NDRG2: variants seen among roughly 807,000 people sequenced by gnomAD.
NDRG2 encodes the protein protein NDRG2.
Under a neutral mutation model 58.2 loss-of-function variants are expected in NDRG2, and 34 were observed. The observed-to-expected ratio is 0.58, with a 90% CI of 0.44 to 0.78. The LOEUF is 0.78. Among genes scored for constraint, NDRG2 ranks in the 30% least tolerant of loss-of-function variants. NDRG2 has a pLI of 0.00. For missense variants in NDRG2, 434 were observed against 471.2 expected, an observed-to-expected ratio of 0.92 and a Z score of 0.73; for synonymous variants, 187 against 175.9, an observed-to-expected ratio of 1.06 and a Z score of -0.50.
intron 9 of NDRG2, 83 bp from the exon 10 acceptor site, chr14:21,019,825 T>G (rs1030843958): frequency 6.5e-7 from 1 of 1,532,026 alleles, no homozygotes; most frequent in Admixed American, 1.7e-5. Flanking sequence ...GCCTTCTTCC[T>G]TCCCCAAATC....
intron 1 of NDRG2, among the ~76,000 whole-genome samples, chr14:21,060,072 C>T (rs563661501): frequency 6.6e-6 from 1 of 152,328 alleles, no homozygotes; most frequent in Admixed American, 6.5e-5. Context: ...CCCTCTTCTT[C>T]CCCATGCTAT....
At chr14:21,035,835 G>A (rs765089443) in intron 1 of NDRG2, 3 of 456,152 alleles carry the variant, frequency 6.6e-6, no homozygotes, top group South Asian at 4.6e-5. Flanking sequence ...AGTGATCCTA[G>A]ACCCCTCCAC....
intron 1 of NDRG2, chr14:21,058,203 C>G (rs750634723): frequency 6.2e-7 from 1 of 1,614,142 alleles, no homozygotes; most frequent in Admixed American, 1.7e-5. Context: ...GGGCCCATGT[C>G]CCTGACCATG....
intron 1 of NDRG2, among the ~76,000 whole-genome samples, chr14:21,050,200 G>C (rs1041206689): frequency 1.3e-5 from 2 of 152,200 alleles, no homozygotes; most frequent in Non-Finnish European, 2.9e-5. Flanking sequence ...CTGACACGTT[G>C]CATTTCTGAC....
chr14:21,030,542 A>G, upstream of NDRG2: 6 of 1,598,366 alleles, frequency 3.8e-6, 1 homozygote, highest in Non-Finnish European at 4.3e-6. Context: ...TTCACCCCCA[A>G]GTGTCTCCCA....
chr14:21,052,035 G>A (rs1404518222), intron 1 of NDRG2, among the ~76,000 whole-genome samples: 1 of 152,154 alleles, frequency 6.6e-6, no homozygotes, highest in Admixed American at 6.5e-5. Flanking sequence ...TACTAGTAAG[G>A]TGCTGGCTAC....
intron 12 of NDRG2, 53 bp downstream of exon 12, chr14:21,018,710 C>T (rs1032813482): frequency 5.6e-6 from 9 of 1,611,520 alleles, no homozygotes; most frequent in Non-Finnish European, 6.8e-6. Context: ...TTCTGACCAC[C>T]ACTTTAGGAC....
At chr14:21,041,194 C>T (rs1884880255) in intron 1 of NDRG2, among the ~76,000 whole-genome samples, 1 of 152,136 alleles carries the variant, frequency 6.6e-6, no homozygotes. Flanking sequence ...AGGGTTTCGC[C>T]ACATTGCCCA....
Position 21,070,749 on chromosome 14 carries a change from T to C in NDRG2, c.24+79A>G. On this transcript the variant is annotated intron_variant, in intron 1 of 14. Transcript: ENST00000403829. This position sits in a 1 kb window ranked among gnomAD's most constrained non-coding sequence, Gnocchi z 4.7. The stretch of plus-strand genomic sequence containing the variant: ...CCCTCCCCCTCCTGGTCCGAGCTCC[T>C]TACCCGCGGGAGACCCCTGCGGGTT... The C allele has an allele frequency of 6.8e-7, 1 of 1,467,654 alleles. No homozygotes were observed. Among genetic ancestry groups the C allele is most frequent in the South Asian group, 1.2e-5 (1 of 82,506 alleles). 90.9% of individuals were successfully genotyped at this position (1,467,654 alleles called of 1,614,324 possible).
At chr14:21,055,769 A>G (rs573205844) in intron 1 of NDRG2, among the ~76,000 whole-genome samples, 1 of 152,282 alleles carries the variant, frequency 6.6e-6, no homozygotes, top group African/African-American at 2.4e-5. Flanking sequence ...TGTAACCGTT[A>G]ATGAATAATC....
rs561754281 is a variant in NDRG2, at chr14:21,058,888, G to A, written c.24+11940C>T. Among the ~76,000 whole-genome samples the A allele has an allele frequency of 1.4e-4, 22 of 152,210 alleles. No homozygotes were observed. The South Asian group carries it at 4.6e-3, about 32-fold the overall frequency. ...GTGTTACTGTCTTGGGGTAAGTGGA[G>A]AGGTTTGGAGCTCCAATTCCAAGGC... On this transcript the variant is annotated intron_variant, in intron 1 of 14. Coordinates refer to the NDRG2 transcript ENST00000403829.
At chr14:21,051,256 G>A (rs1043752601) in intron 1 of NDRG2, among the ~76,000 whole-genome samples, 6 of 152,330 alleles carry the variant, frequency 3.9e-5, no homozygotes, top group African/African-American at 1.4e-4. Context: ...TGGGGCTAGG[G>A]CATTGGAAAG....
chr14:21,033,614 G>T, intron 1 of NDRG2: 2 of 598,650 alleles, frequency 3.3e-6, no homozygotes, highest in East Asian at 5.6e-5. Flanking sequence ...GCGAAGAGGG[G>T]GTAAACAAGC....
upstream of NDRG2, among the ~76,000 whole-genome samples, chr14:21,027,093 G>A (rs868084161): frequency 7.2e-5 from 11 of 152,204 alleles, no homozygotes; most frequent in East Asian, 1.9e-3. Context: ...CTACGCAGGG[G>A]CGCAGGGCAG....
chr14:21,021,988 C>T, intron 5 of NDRG2, 74 bp downstream of exon 5: 3 of 1,612,320 alleles, frequency 1.9e-6, no homozygotes, highest in Non-Finnish European at 2.5e-6. Flanking sequence ...CCCTTTCCTC[C>T]TCCCCAGTCG....
chr14:21,022,440 T>TG lies in NDRG2; in HGVS notation c.174dup (p.Lys59GlnfsTer18). 6.2e-7 allele frequency: 1 copy of TG among 1,613,998 alleles called. No homozygotes were observed. The highest frequency in any genetic ancestry group is 8.5e-7 in the Non-Finnish European group (1 of 1,180,000). On this transcript the variant is annotated frameshift_variant, in exon 4 of 16. Coordinates refer to ENST00000556147, the MANE Select transcript of NDRG2 (RefSeq NM_001320329.2). LOFTEE classifies it high-confidence loss of function. ...GTAAGGATCGCTGGGCGTTTGGGTTTGGGGGTGCCATAGACAGTGAAAGTG... is the reference window on the plus strand; with the variant it reads ...GTAAGGATCGCTGGGCGTTTGGGTTTGGGGGGTGCCATAGACAGTGAAAGTG...
At position 21,018,503 on chromosome 14, in the gene NDRG2, A is replaced by G; in HGVS notation, c.815T>C (p.Val272Ala). The G allele has an allele frequency of 6.2e-7, 1 of 1,613,832 alleles. No homozygotes were observed. The highest frequency in any genetic ancestry group is 8.5e-7 in the Non-Finnish European group (1 of 1,179,914). ...GDQAPHEDAV[V>A]ECNSKLDPTQ... Reference sequence around the variant, plus strand: ...GGGGTCCAGTTTTGAGTTACATTCCACCTGGAGTAAGCAGGAGGCTGAATG... The same window carrying G: ...GGGGTCCAGTTTTGAGTTACATTCCGCCTGGAGTAAGCAGGAGGCTGAATG... The change falls in exon 13 of 16, where the codon GTG becomes GCG. Residue 272 changes from valine to alanine, a missense_variant and splice_region_variant. Transcript: ENST00000556147.
At chr14:21,036,742 T>G (rs1178964761) in intron 1 of NDRG2, among the ~76,000 whole-genome samples, 1 of 152,240 alleles carries the variant, frequency 6.6e-6, no homozygotes, top group Non-Finnish European at 1.5e-5. Flanking sequence ...CCCCATCTAT[T>G]CCATGGTGCT....
At chr14:21,025,088 C>T (rs1883182486), upstream of NDRG2, 8 of 985,940 alleles carry the variant, frequency 8.1e-6, no homozygotes, top group Middle Eastern at 5.1e-4. This position sits in a 1 kb window ranked among gnomAD's most constrained non-coding sequence, Gnocchi z 5.1. Context: ...CGCCCCGGCT[C>T]GGGCTTCCCG....
Sources: allele counts gnomAD v4.1 joint callset (sites outside exome capture counted in the v4.1 genomes callset), GRCh38; gene constraint gnomAD v4.1.1; non-coding constraint Gnocchi (gnomAD v3.1); transcripts MANE v1.5; gene names NCBI Gene and HGNC (gene_info 2026-07-23, HGNC 2026-07-21).